Variants in GSAP observed in about 807,000 individuals in gnomAD.
The protein encoded by GSAP is gamma-secretase activating protein, also known as gamma-secretase-activating protein.
Under a neutral mutation model 131.7 loss-of-function variants are expected in GSAP, and 118 were observed. The ratio of observed to expected loss-of-function variants is 0.90; its 90% CI spans 0.77 to 1.04. The LOEUF (loss-of-function observed/expected upper bound fraction) is 1.04. Among genes scored for constraint, GSAP ranks in the 50% least tolerant of loss-of-function variants. GSAP has a pLI of 0.00. For synonymous variants in GSAP, 381 were observed against 363.4 expected, an observed-to-expected ratio of 1.05 and a Z score of -0.55; for missense variants, 1,019 against 1,013.2, an observed-to-expected ratio of 1.01 and a Z score of -0.08.
chr7:77,333,049 C>A (rs1437670081), intron 19 of GSAP, among the ~76,000 whole-genome samples: 1 of 152,176 alleles, frequency 6.6e-6, no homozygotes, highest in African/African-American at 2.4e-5. Flanking sequence ...CACCTGTAGT[C>A]CCAGCTACTT....
chr7:77,358,464 T>A (rs934871620), intron 14 of GSAP, among the ~76,000 whole-genome samples: 1 of 152,224 alleles, frequency 6.6e-6, no homozygotes, highest in African/African-American at 2.4e-5. Context: ...GTACTACACA[T>A]AAGCAGAGGC....
chr7:77,343,942 A>G (rs1791401978), intron 19 of GSAP, among the ~76,000 whole-genome samples: 1 of 152,042 alleles, frequency 6.6e-6, no homozygotes, highest in Non-Finnish European at 1.5e-5. Flanking sequence ...CTCTTCAGGG[A>G]TTGTTTAGGC....
intron 5 of GSAP, among the ~76,000 whole-genome samples, chr7:77,394,615 G>C (rs916865729): frequency 1.3e-5 from 2 of 152,200 alleles, no homozygotes; most frequent in East Asian, 3.8e-4. Flanking sequence ...TGGGAAAAAT[G>C]AAACAGGGAA....
intron 5 of GSAP, among the ~76,000 whole-genome samples, chr7:77,391,940 G>A (rs1235224234): frequency 2.0e-5 from 3 of 152,216 alleles, no homozygotes; most frequent in African/African-American, 7.2e-5. Flanking sequence ...TAAGAATTTT[G>A]ATGGCCGGGA....
rs1189388834 is a variant in GSAP at position 77,374,113 on chromosome 7, T to C, written c.828A>G (p.Lys276=). 1.9e-6 allele frequency: 3 copies of C among 1,595,900 alleles called. No individual in the cohort carries two copies. The highest frequency in any genetic ancestry group is 2.6e-6 in the Non-Finnish European group (3 of 1,165,874). Residue 276 remains lysine, a synonymous_variant, in exon 12 of 31, where the codon AAA becomes AAG. Transcript: ENST00000257626. The part of the protein sequence containing the change: ...FGCDYHQYRD[K]FSKHLTLCVF... Reference sequence around the variant, plus strand: ...CACACAGAGTCAGGTGTTTGGAAAATTTATCTCGGTATTGATGATAATCAC... The same window carrying C: ...CACACAGAGTCAGGTGTTTGGAAAACTTATCTCGGTATTGATGATAATCAC...
chr7:77,335,119 G>A (rs1215573610), intron 19 of GSAP, among the ~76,000 whole-genome samples: 1 of 151,920 alleles, frequency 6.6e-6, no homozygotes, highest in Non-Finnish European at 1.5e-5. Flanking sequence ...ACATACCCAT[G>A]CCAGATGCAG....
In GSAP at chr7:77,313,534, T is replaced by A; in HGVS notation, c.2225A>T (p.Glu742Val). 6.5e-7 allele frequency: 1 copy of A among 1,534,752 alleles called. No homozygotes were observed. The highest frequency in any genetic ancestry group is 9.0e-7 in the Non-Finnish European group (1 of 1,109,366). ...ACTGAATTTCAGTTTTTCATTTTTC[T>A]CTGTATTATCCAGATCTACAAGAAA... is the stretch of plus-strand genomic sequence containing the variant. ...IRLMKDLDNT[E>V]KNEKLKFSII... The change falls in exon 28 of 31, where the codon GAG becomes GTG. Residue 742 changes from glutamate (E) to valine (V), a missense_variant. Glu to Val is a moderately radical substitution (Grantham distance 121). Transcript: ENST00000257626.
chr7:77,331,594 T>C (rs1789160059), intron 19 of GSAP, among the ~76,000 whole-genome samples: 1 of 152,188 alleles, frequency 6.6e-6, no homozygotes, highest in African/African-American at 2.4e-5. Context: ...AGCACATTAT[T>C]ACCATTTTTA....
chr7:77,405,845 T>C (rs1034107898), intron 2 of GSAP, among the ~76,000 whole-genome samples, 184 bp downstream of exon 2: 1 of 152,230 alleles, frequency 6.6e-6, no homozygotes, highest in Non-Finnish European at 1.5e-5. Context: ...AGCCTAATAC[T>C]ACTAAATTTC....
At chr7:77,316,815 T>C (rs1003961765) in intron 26 of GSAP, among the ~76,000 whole-genome samples, 2 of 152,146 alleles carry the variant, frequency 1.3e-5, no homozygotes, top group African/African-American at 4.8e-5. Flanking sequence ...AGTCATCAGC[T>C]CCACCCAACT....
chr7:77,356,931 A>G (rs958697449), intron 14 of GSAP, among the ~76,000 whole-genome samples: 1 of 152,248 alleles, frequency 6.6e-6, no homozygotes, highest in Non-Finnish European at 1.5e-5. Context: ...CGTGGATTAA[A>G]TGATGCTAAA....
At position 77,313,587 on chromosome 7, in the gene GSAP, C is replaced by A. The variant is rs756431762; in HGVS notation, c.2210-38G>T. 3 of 993,500 alleles carry A rather than the reference C, an allele frequency of 3.0e-6. No homozygotes were observed. The African/African-American group carries it at 4.8e-5, about 16-fold the overall frequency. 61.5% of individuals were successfully genotyped at this position (993,500 alleles called of 1,614,324 possible). A position where few individuals can be genotyped will look rare whatever the true frequency, so the allele number is the denominator to read the frequency against. On this transcript the variant is annotated intron_variant, in intron 27 of 30. Transcript: ENST00000257626. ...TAGAGATTAGCAAATGAAACAAATA[C>A]CCATTTTGATACTTTAGCAAGTTAA... is the stretch of plus-strand genomic sequence containing the variant.
chr7:77,388,083 G>C (rs940377148), intron 5 of GSAP, among the ~76,000 whole-genome samples: 2 of 152,214 alleles, frequency 1.3e-5, no homozygotes, highest in African/African-American at 4.8e-5. Flanking sequence ...GGGAAAAAAA[G>C]GTGATTTTCT....
intron 14 of GSAP, among the ~76,000 whole-genome samples, chr7:77,357,576 G>T (rs1313234642): frequency 6.6e-6 from 1 of 152,192 alleles, no homozygotes; most frequent in Non-Finnish European, 1.5e-5. Context: ...CTGGGAAGAA[G>T]AAGAATTGCC....
At chr7:77,316,175 T>C (rs1794946308) in intron 26 of GSAP, 1 of 152,224 alleles carries the variant, frequency 6.6e-6, no homozygotes, top group Non-Finnish European at 1.5e-5. Context: ...GTAGAGAAGC[T>C]ATTGCCTGAA....
At chr7:77,364,771 T>C (rs968884025) in intron 12 of GSAP, among the ~76,000 whole-genome samples, 1 of 152,214 alleles carries the variant, frequency 6.6e-6, no homozygotes, top group East Asian at 1.9e-4. Context: ...TGTTAGGTCA[T>C]GCTTAGTTGC....
intron 12 of GSAP, among the ~76,000 whole-genome samples, chr7:77,371,708 A>T (rs1243137451): frequency 6.6e-6 from 1 of 152,146 alleles, no homozygotes; most frequent in Non-Finnish European, 1.5e-5. Context: ...AAGTTCTGGG[A>T]TTACAGGCGT....
chr7:77,395,180 T>TA (rs1169674449), intron 5 of GSAP, among the ~76,000 whole-genome samples: 1 of 151,864 alleles, frequency 6.6e-6, no homozygotes, highest in Non-Finnish European at 1.5e-5. Flanking sequence ...TAGACAGATG[T>TA]AAAAAATGTA....
Position 77,377,322 on chromosome 7 carries a change from AT to A in GSAP, c.644del (p.Asp215ValfsTer12). The A allele has an allele frequency of 1.3e-6, 2 of 1,589,710 alleles. No homozygotes were observed. The highest frequency in any genetic ancestry group is 1.7e-6 in the Non-Finnish European group (2 of 1,169,502). On this transcript the variant is annotated frameshift_variant, in exon 9 of 31. Transcript: ENST00000257626. LOFTEE classifies it high-confidence loss of function. ...IAEDFVWAQW[D>X]MSEQRLYYID... Reference sequence around the variant, plus strand: ...TGTAATATAATCTCTGTTCTGACATATCCCACTGAGCCCAAACGAAATCCTC... The same window carrying A: ...TGTAATATAATCTCTGTTCTGACATACCCACTGAGCCCAAACGAAATCCTC...
Sources: gnomAD v4.1 joint callset for allele counts (sites outside exome capture counted in the v4.1 genomes callset) on GRCh38, gnomAD v4.1.1 for gene constraint, MANE v1.5 for transcripts, NCBI Gene and HGNC (gene_info 2026-07-23, HGNC 2026-07-21) for gene names.